The following ZMYM2 variants were observed in gnomAD, a reference collection of about 807,000 sequenced individuals.
ZMYM2 encodes zinc finger MYM-type protein 2.
ZMYM2 carries 56 observed loss-of-function variants against 162.8 expected under a neutral mutation model. That is an observed-to-expected ratio of 0.34 (90% CI 0.28 to 0.43). ZMYM2 has a LOEUF of 0.43. ZMYM2 is among the 20% of genes least tolerant of loss of function. ZMYM2 has a pLI of 1.00. For missense variants in ZMYM2, 1,275 were observed against 1,621.8 expected, an observed-to-expected ratio of 0.79 and a Z score of 3.67; for synonymous variants, 510 against 541.6, an observed-to-expected ratio of 0.94 and a Z score of 0.81.
At chr13:19,971,263 T>TATATATATATATATATATATATATA (rs60439404) in intron 2 of ZMYM2, among the ~76,000 whole-genome samples, 2 of 64,530 alleles carry the variant, frequency 3.1e-5, no homozygotes, top group East Asian at 1.3e-3. Context: ...TATATATATA[T>TATATATATATATATATATATATATA]TTTTTTTTTT....
chr13:19,869,894 A>C, the ZMYM2 span, among the ~76,000 whole-genome samples: 39 of 152,354 alleles, frequency 2.6e-4, no homozygotes, highest in African/African-American at 9.4e-4. Flanking sequence ...ATTACTGCCT[A>C]ACAAATTACC....
intron 21 of ZMYM2, among the ~76,000 whole-genome samples, chr13:20,079,903 A>G (rs1189707332): frequency 2.0e-5 from 3 of 151,818 alleles, no homozygotes; most frequent in Non-Finnish European, 4.4e-5. Flanking sequence ...TTTATTACAC[A>G]TGTTGCTTTA....
intron 21 of ZMYM2, among the ~76,000 whole-genome samples, chr13:20,076,038 A>G (rs1264174966): frequency 2.1e-5 from 3 of 141,888 alleles, no homozygotes; most frequent in Non-Finnish European, 4.4e-5. Context: ...TGTTAGCTAG[A>G]TGTGTATATT....
intron 7 of ZMYM2, 188 bp downstream of exon 7, chr13:20,019,806 A>G (rs771088217): frequency 1.7e-6 from 1 of 585,360 alleles, no homozygotes; most frequent in Non-Finnish European, 3.0e-6. Context: ...TTTTACATGT[A>G]TTTTCTTGTG....
chr13:20,083,143 A>G (rs1383137663), intron 23 of ZMYM2, 111 bp downstream of exon 23: 6 of 1,163,814 alleles, frequency 5.2e-6, no homozygotes, highest in African/African-American at 1.6e-5. Context: ...GCTCACCGCA[A>G]CCTCTACCTC....
At chr13:20,028,722 G>T (rs1406458811) in intron 9 of ZMYM2, among the ~76,000 whole-genome samples, 1 of 151,868 alleles carries the variant, frequency 6.6e-6, no homozygotes, top group Non-Finnish European at 1.5e-5. Flanking sequence ...CCATGTAAAT[G>T]CTATGTAAAG....
the ZMYM2 span, among the ~76,000 whole-genome samples, chr13:19,941,687 G>A: frequency 6.9e-6 from 1 of 144,578 alleles, no homozygotes; most frequent in Non-Finnish European, 1.5e-5. Flanking sequence ...AGGGTTCTGG[G>A]TACAGAAACA....
At chr13:19,960,861 T>TTAC (rs1955133194) in intron 2 of ZMYM2, among the ~76,000 whole-genome samples, 1 of 152,226 alleles carries the variant, frequency 6.6e-6, no homozygotes, top group Admixed American at 6.5e-5. Context: ...TGTGGTAACT[T>TTAC]GTAGATCTCT....
At chr13:19,943,898 A>G in the ZMYM2 span, among the ~76,000 whole-genome samples, 5 of 152,218 alleles carry the variant, frequency 3.3e-5, no homozygotes, top group Non-Finnish European at 5.9e-5. Flanking sequence ...TGTTAAAAGC[A>G]TGCAGAATTG....
chr13:19,883,957 A>C, the ZMYM2 span, among the ~76,000 whole-genome samples: 4 of 152,148 alleles, frequency 2.6e-5, no homozygotes, highest in Admixed American at 6.5e-5. Flanking sequence ...GGGTTTCACC[A>C]TGTTGCGCAG....
chr13:19,996,520 A>T (rs762819559), intron 3 of ZMYM2, among the ~76,000 whole-genome samples: 45 of 152,158 alleles, frequency 3.0e-4, no homozygotes, highest in Non-Finnish European at 6.0e-4. Flanking sequence ...TGAGGTCAGG[A>T]GTTTGAGACC....
chr13:19,875,335 A>T, the ZMYM2 span, among the ~76,000 whole-genome samples: 1 of 152,164 alleles, frequency 6.6e-6, no homozygotes, highest in African/African-American at 2.4e-5. Context: ...GCCATAAAAA[A>T]TAATGACACT....
chr13:20,076,106 A>G (rs1198270153), intron 21 of ZMYM2, among the ~76,000 whole-genome samples: 2 of 150,388 alleles, frequency 1.3e-5, no homozygotes, highest in Non-Finnish European at 2.9e-5. Context: ...ACACTAGACC[A>G]TATTATATAC....
At chr13:19,867,751 G>A in the ZMYM2 span, among the ~76,000 whole-genome samples, 1 of 152,108 alleles carries the variant, frequency 6.6e-6, no homozygotes, top group East Asian at 1.9e-4. Flanking sequence ...TCAGACTCTA[G>A]AGTAGCTGGC....
intron 2 of ZMYM2, among the ~76,000 whole-genome samples, chr13:19,978,971 G>GT (rs1237573606): frequency 1.3e-5 from 2 of 152,148 alleles, no homozygotes; most frequent in African/African-American, 4.8e-5. Flanking sequence ...AAATATCTTA[G>GT]TTTCACCTTA....
At position 20,067,020 on chromosome 13, in the gene ZMYM2, G is replaced by C. The variant is rs1373481966; in HGVS notation, c.3301+1G>C. 1 of 1,591,664 alleles carries C rather than the reference G, an allele frequency of 6.3e-7. No individual in the cohort carries two copies. Among genetic ancestry groups the C allele is most frequent in the Non-Finnish European group, 8.5e-7 (1 of 1,171,420 alleles). On this transcript the variant is annotated splice_donor_variant, in intron 20 of 24. Transcript: ENST00000610343. LOFTEE classifies it high-confidence loss of function. ...CTGGTATTAGATGAGTTAAAATCTT[G>C]TAAGTGTTTTAATTTTGTTTCTCCT...
chr13:19,953,682 CAAA>C (rs35266783), upstream of ZMYM2, among the ~76,000 whole-genome samples: 2 of 75,310 alleles, frequency 2.7e-5, no homozygotes, highest in African/African-American at 5.2e-5. Context: ...GACTCTGTCT[CAAA>C]AAAAAAAAAA....
chr13:19,993,043 T>C lies in ZMYM2; in HGVS notation c.-10-20T>C. ...AAAGTCATACTGACATTTTAATTCT[T>C]TTTTCTATCTTCCTAACAGGTTCTT... is the stretch of plus-strand genomic sequence containing the variant. On this transcript the variant is annotated intron_variant, in intron 2 of 24. Coordinates refer to ENST00000610343, the MANE Select transcript of ZMYM2 (RefSeq NM_197968.4). 6.5e-7 allele frequency: 1 copy of C among 1,542,946 alleles called. No homozygotes were observed. Among genetic ancestry groups the C allele is most frequent in the Non-Finnish European group, 8.7e-7 (1 of 1,149,348 alleles).
At chr13:19,886,438 C>G in the ZMYM2 span, among the ~76,000 whole-genome samples, 1 of 151,764 alleles carries the variant, frequency 6.6e-6, no homozygotes, top group South Asian at 2.1e-4. Flanking sequence ...GCTGGGTTTA[C>G]AGGTGTGAGC....
Sources: allele counts gnomAD v4.1 joint callset (sites outside exome capture counted in the v4.1 genomes callset), GRCh38; gene constraint gnomAD v4.1.1; transcripts MANE v1.5; gene names NCBI Gene and HGNC (gene_info 2026-07-23, HGNC 2026-07-21).